The following GTF3C1 variants were observed in gnomAD, a reference collection of about 807,000 sequenced individuals.
The protein encoded by GTF3C1 is general transcription factor 3C polypeptide 1.
Under a neutral mutation model 226.7 loss-of-function variants are expected in GTF3C1, and 57 were observed. The ratio of observed to expected loss-of-function variants is 0.25; its 90% CI spans 0.20 to 0.31. The LOEUF (loss-of-function observed/expected upper bound fraction) is 0.31, where lower values mean the gene tolerates loss of function less well. Ranked by LOEUF, GTF3C1 falls within the 10% of genes least tolerant of loss-of-function variation. GTF3C1 has a pLI of 1.00. For missense variants in GTF3C1, 2,217 were observed against 2,776.1 expected, an observed-to-expected ratio of 0.80 and a Z score of 4.53; for synonymous variants, 1,090 against 1,084.8, an observed-to-expected ratio of 1.00 and a Z score of -0.09.
At chr16:27,491,661 C>T (rs1377653975) in intron 19 of GTF3C1, among the ~76,000 whole-genome samples, 1 of 152,152 alleles carries the variant, frequency 6.6e-6, no homozygotes, top group Non-Finnish European at 1.5e-5. Context: ...TCAGCCAAGT[C>T]ACCAGCACAT....
intron 14 of GTF3C1, among the ~76,000 whole-genome samples, chr16:27,496,865 T>C (rs1295670755): frequency 2.0e-5 from 3 of 152,236 alleles, no homozygotes; most frequent in Admixed American, 1.3e-4. Context: ...GCGCTGCCCC[T>C]GGTCCATTCG....
chr16:27,521,461 C>T (rs1025025017), intron 6 of GTF3C1, among the ~76,000 whole-genome samples: 1 of 152,234 alleles, frequency 6.6e-6, no homozygotes, highest in Non-Finnish European at 1.5e-5. Context: ...CAACACATTT[C>T]CCCGCTGAGG....
At chr16:27,521,357 C>T (rs900239462) in intron 6 of GTF3C1, among the ~76,000 whole-genome samples, 2 of 152,262 alleles carry the variant, frequency 1.3e-5, no homozygotes, top group Non-Finnish European at 2.9e-5. Flanking sequence ...TCTCCCTCAG[C>T]GTGTGGCCAG....
intron 4 of GTF3C1, among the ~76,000 whole-genome samples, chr16:27,534,359 C>T (rs897659577): frequency 6.6e-6 from 1 of 152,112 alleles, no homozygotes; most frequent in African/African-American, 2.4e-5. Flanking sequence ...GTGGCCAGTT[C>T]GGCTGGACAA....
chr16:27,520,973 C>T lies in GTF3C1; in HGVS notation c.973+7625G>A, dbSNP rs565718547. Among the ~76,000 whole-genome samples, 6 of 152,366 alleles carry T rather than the reference C, an allele frequency of 3.9e-5. No homozygotes were observed. In the East Asian group the frequency reaches 9.6e-4, roughly 24 times the overall value. On this transcript the variant is annotated intron_variant, in intron 6 of 36. Coordinates refer to ENST00000356183, the MANE Select transcript of GTF3C1 (RefSeq NM_001520.4). ...ACCTCAAGTGATCCACCCACCTGGG[C>T]CTGCCAAAGTGTTGGGATTAGAGGC... is the stretch of plus-strand genomic sequence containing the variant.
intron 5 of GTF3C1, among the ~76,000 whole-genome samples, chr16:27,532,723 A>G (rs1270407563): frequency 3.3e-5 from 5 of 152,192 alleles, no homozygotes; most frequent in Admixed American, 6.5e-5. Context: ...AAGTAAACCT[A>G]AATGCCGCAT....
chr16:27,506,069 A>T lies in GTF3C1; in HGVS notation c.1600T>A (p.Ser534Thr), dbSNP rs755249513. 9.9e-6 allele frequency: 16 copies of T among 1,613,772 alleles called. No homozygotes were observed. The highest frequency in any genetic ancestry group is 1.4e-5 in the Non-Finnish European group (16 of 1,179,756). ...CTCTCTTCAGCAGCTCCTGGGAAGG[A>T]GGGCGGCTGCTTTTTCAATGGGTGT... ...NLHPLKKQPP[S>T]FPGAAEERAC... The change falls in exon 10 of 37, where the codon TCC (serine) becomes ACC (threonine). Residue 534 changes from serine (S) to threonine (T), a missense_variant. Physicochemically the swap from Ser to Thr is moderately conservative, Grantham distance 58 (BLOSUM62 1). Around this residue, in one of 12 missense-constraint regions of GTF3C1, gnomAD observed 173 missense variants for 207.2 expected, o/e 0.83. Transcript: ENST00000356183.
chr16:27,512,096 T>C (rs1480034181), intron 6 of GTF3C1, among the ~76,000 whole-genome samples, 195 bp from the exon 7 acceptor site: 1 of 152,204 alleles, frequency 6.6e-6, no homozygotes, highest in Admixed American at 6.5e-5. Flanking sequence ...TCCATAAAGC[T>C]GCTTTTTGTT....
intron 1 of GTF3C1, among the ~76,000 whole-genome samples, chr16:27,547,993 T>C (rs777999872): frequency 9.2e-5 from 14 of 152,212 alleles, no homozygotes; most frequent in Non-Finnish European, 2.1e-4. Flanking sequence ...GTCTGGGTTC[T>C]TCCCTTGCTA....
chr16:27,539,319 G>C (rs1366037122), intron 2 of GTF3C1, among the ~76,000 whole-genome samples: 1 of 152,152 alleles, frequency 6.6e-6, no homozygotes, highest in Non-Finnish European at 1.5e-5. Context: ...ATGTGAGAAA[G>C]AATGCACCAA....
intron 6 of GTF3C1, among the ~76,000 whole-genome samples, chr16:27,519,566 G>A (rs1226727495): frequency 6.6e-6 from 1 of 152,168 alleles, no homozygotes; most frequent in Non-Finnish European, 1.5e-5. Context: ...TCTCACATGG[G>A]AGGCAGCAGA....
At chr16:27,514,470 C>G (rs1002531347) in intron 6 of GTF3C1, among the ~76,000 whole-genome samples, 8 of 152,142 alleles carry the variant, frequency 5.3e-5, no homozygotes, top group African/African-American at 1.9e-4. Context: ...TTTCTACAAG[C>G]AGCACCTCTA....
chr16:27,523,394 T>C (rs1177851843), intron 6 of GTF3C1, among the ~76,000 whole-genome samples: 3 of 152,086 alleles, frequency 2.0e-5, no homozygotes, highest in African/African-American at 7.2e-5. Context: ...ATTCATATAC[T>C]AGATCCAGGT....
At chr16:27,532,541 C>T (rs1261251049) in intron 5 of GTF3C1, among the ~76,000 whole-genome samples, 2 of 152,182 alleles carry the variant, frequency 1.3e-5, no homozygotes, top group Non-Finnish European at 2.9e-5. Context: ...CAGCTCCCCT[C>T]CGCCTTTCTC....
intron 5 of GTF3C1, among the ~76,000 whole-genome samples, chr16:27,529,115 G>T (rs2088876359): frequency 6.6e-6 from 1 of 151,974 alleles, no homozygotes; most frequent in African/African-American, 2.4e-5. Flanking sequence ...GTCCCCCATG[G>T]GCAGGAGAGA....
chr16:27,526,681 C>A (rs969558587), intron 6 of GTF3C1, among the ~76,000 whole-genome samples: 1 of 152,240 alleles, frequency 6.6e-6, no homozygotes, highest in Non-Finnish European at 1.5e-5. Context: ...TACCTTTGAG[C>A]ACCCAAATGT....
chr16:27,499,758 T>C (rs936100299), intron 12 of GTF3C1, among the ~76,000 whole-genome samples: 1 of 152,180 alleles, frequency 6.6e-6, no homozygotes, highest in African/African-American at 2.4e-5. Flanking sequence ...AGCATTCACA[T>C]TGCCCCACTT....
intron 27 of GTF3C1, 114 bp downstream of exon 27, chr16:27,480,965 A>T: frequency 2.5e-6 from 2 of 807,264 alleles, no homozygotes; most frequent in Non-Finnish European, 4.2e-6. Flanking sequence ...TGCAAGGCCA[A>T]ATGCAGCCAG....
chr16:27,462,626 C>T lies in GTF3C1; in HGVS notation c.5925-140G>A, dbSNP rs1050695282. The T allele has an allele frequency of 2.8e-5, 18 of 638,574 alleles. No individual in the cohort carries two copies. In the African/African-American group the frequency reaches 2.9e-4, roughly 10 times the overall value. The allele number at this position is 638,574 out of a possible 1,614,324, so 39.6% of individuals were successfully genotyped here. ...CCAGCCACCTCTTGCTCTCTGCTTT[C>T]CAAACTCCCTGCTTCTCTCCTGTCT... On this transcript the variant is annotated intron_variant, in intron 35 of 36. Coordinates refer to ENST00000356183, the MANE Select transcript of GTF3C1 (RefSeq NM_001520.4). This position sits in a 1 kb window ranked among gnomAD's most constrained non-coding sequence, Gnocchi z 4.5.
Sources: gnomAD v4.1 joint callset for allele counts (sites outside exome capture counted in the v4.1 genomes callset) on GRCh38, gnomAD v4.1.1 for gene constraint, gnomAD v4.1.1 regional missense constraint, Gnocchi (gnomAD v3.1) non-coding constraint, MANE v1.5 for transcripts, NCBI Gene and HGNC (gene_info 2026-07-23, HGNC 2026-07-21) for gene names.